Variants in LRRC37A3 observed in about 807,000 individuals in gnomAD.
LRRC37A3 encodes the protein leucine-rich repeat-containing protein 37A3.
In LRRC37A3, 25 loss-of-function variants were observed where a neutral mutation model predicts 106.2. The observed-to-expected ratio is 0.24, with a 90% CI of 0.17 to 0.33. The LOEUF is 0.33. Among genes scored for constraint, LRRC37A3 ranks in the 10% least tolerant of loss-of-function variants. The probability of loss-of-function intolerance (pLI) is 1.00; values close to 1 mark genes in which losing one functional copy is unlikely to be tolerated. For synonymous variants in LRRC37A3, 305 were observed against 635.8 expected, an observed-to-expected ratio of 0.48 and a Z score of 7.83; for missense variants, 712 against 1,644.9, an observed-to-expected ratio of 0.43 and a Z score of 9.81.
intron 2 of LRRC37A3, among the ~76,000 whole-genome samples, chr17:64,915,601 T>G (rs1164638674): frequency 6.6e-6 from 1 of 152,254 alleles, no homozygotes; most frequent in East Asian, 1.9e-4. Context: ...CTGGGTTAGG[T>G]AGAGCTGTTA....
Position 64,880,409 on chromosome 17 carries a change from A to G in LRRC37A3, c.2906+5677T>C, listed in dbSNP as rs563405241. On this transcript the variant is annotated intron_variant, in intron 8 of 14. Transcript: ENST00000584306. ...AGCGATTTGCCTGTCTTGGCCTCCT[A>G]AAGTGCTGGGATTAAAGGCATGAGC... Among the ~76,000 whole-genome samples the G allele has an allele frequency of 7.9e-5, 12 of 152,336 alleles. No homozygotes were observed. In the East Asian group the frequency reaches 2.1e-3, roughly 27 times the overall value.
At position 64,897,369 on chromosome 17, in the gene LRRC37A3, T is replaced by G; in HGVS notation, c.-112A>C. ...TCCATGTCACCAGGGCACTCTTATG[T>G]CACAATCCCGCCCAAGCACGCCTTC... On this transcript the variant is annotated 5_prime_UTR_variant, in exon 4 of 15. An upstream open reading frame in the 5' UTR loses its in-frame stop. Transcript: ENST00000584306. 1.9e-6 allele frequency: 3 copies of G among 1,579,706 alleles called. No individual in the cohort carries two copies. Among genetic ancestry groups the G allele is most frequent in the East Asian group, 2.3e-5 (1 of 42,600 alleles).
intron 8 of LRRC37A3, among the ~76,000 whole-genome samples, chr17:64,872,152 A>G (rs1464711593): frequency 9.4e-5 from 14 of 148,320 alleles, no homozygotes; most frequent in African/African-American, 2.2e-4. Flanking sequence ...AAAAAAAAAA[A>G]AGAGAGACAT....
intron 8 of LRRC37A3, among the ~76,000 whole-genome samples, chr17:64,870,723 G>A (rs1260934684): frequency 2.0e-5 from 3 of 152,088 alleles, no homozygotes; most frequent in African/African-American, 7.2e-5. Flanking sequence ...TGAAGAAAAA[G>A]GGTTTATTTT....
intron 8 of LRRC37A3, among the ~76,000 whole-genome samples, chr17:64,872,025 G>A (rs183605837): frequency 1.2e-3 from 176 of 150,556 alleles, no homozygotes; most frequent in African/African-American, 4.0e-3. Context: ...CCAGCTACTC[G>A]GGAGGCTGAG....
At chr17:64,867,473 C>A (rs1407261698) in intron 10 of LRRC37A3, among the ~76,000 whole-genome samples, 9 of 152,200 alleles carry the variant, frequency 5.9e-5, no homozygotes, top group South Asian at 2.1e-4. Context: ...GCTCCAGGAC[C>A]CCCTGCAGAT....
intron 8 of LRRC37A3, among the ~76,000 whole-genome samples, chr17:64,870,353 A>G (rs983664424): frequency 6.6e-6 from 1 of 152,162 alleles, no homozygotes; most frequent in Admixed American, 6.5e-5. Context: ...AATAAAATGA[A>G]TAAATTGATT....
Position 64,897,240 on chromosome 17 carries a change from G to A in LRRC37A3, c.18C>T (p.Cys6=), listed in dbSNP as rs139416659. ...GGGACATGACACACGCTAGTGCCGG[G>A]CACTGAGCGGAAGTCATTCTGGCAG... is the stretch of plus-strand genomic sequence containing the variant. MTSAQ[C]PALACVMSPL... The change falls in exon 4 of 15, where the codon TGC becomes TGT. Residue 6 remains cysteine (C), a synonymous_variant. Transcript: ENST00000584306. 6.8e-6 allele frequency: 11 copies of A among 1,609,492 alleles called. No homozygotes were observed. Among genetic ancestry groups the A allele is most frequent in the African/African-American group, 2.8e-5 (2 of 72,258 alleles).
intron 2 of LRRC37A3, among the ~76,000 whole-genome samples, chr17:64,911,360 TG>T (rs1974586090): frequency 7.1e-6 from 1 of 140,874 alleles, no homozygotes; most frequent in Admixed American, 7.3e-5. Context: ...TTTTTCTTTT[TG>T]CCTTAATTGT....
At chr17:64,866,227 G>A (rs1033612841) in intron 10 of LRRC37A3, among the ~76,000 whole-genome samples, 3 of 151,790 alleles carry the variant, frequency 2.0e-5, no homozygotes, top group Non-Finnish European at 4.4e-5. Flanking sequence ...AAAGCTGGTC[G>A]ATGAAGGGGA....
chr17:64,856,126 A>G (rs1035663330), intron 13 of LRRC37A3, among the ~76,000 whole-genome samples: 1 of 152,082 alleles, frequency 6.6e-6, no homozygotes, highest in African/African-American at 2.4e-5. Flanking sequence ...GAATCTGTGG[A>G]TGCTCAATCC....
chr17:64,862,292 C>T (rs1283702126), intron 11 of LRRC37A3, among the ~76,000 whole-genome samples: 1 of 151,998 alleles, frequency 6.6e-6, no homozygotes, highest in Non-Finnish European at 1.5e-5. Context: ...CTCTTGAAAG[C>T]CCTTGAGCAT....
At chr17:64,859,396 C>T in intron 12 of LRRC37A3, 46 bp downstream of exon 12, 6 of 1,244,856 alleles carry the variant, frequency 4.8e-6, no homozygotes, top group Non-Finnish European at 6.9e-6. Context: ...CTGGGATATG[C>T]TAAATGATGG....
At chr17:64,893,489 T>C (rs1349502670) in intron 4 of LRRC37A3, among the ~76,000 whole-genome samples, 1 of 140,980 alleles carries the variant, frequency 7.1e-6, no homozygotes, top group Non-Finnish European at 1.5e-5. Context: ...TGGCTACTCT[T>C]TAAGACCCAA....
In LRRC37A3 at chr17:64,897,248, CG is replaced by C; in HGVS notation, c.9del (p.Ala4LeufsTer6). The C allele has an allele frequency of 6.2e-7, 1 of 1,609,714 alleles. No individual in the cohort carries two copies. The highest frequency in any genetic ancestry group is 1.1e-5 in the South Asian group (1 of 91,010). On this transcript the variant is annotated frameshift_variant, in exon 4 of 15. Coordinates refer to ENST00000584306, the MANE Select transcript of LRRC37A3 (RefSeq NM_199340.5). LOFTEE classifies it high-confidence loss of function. ...ACACACGCTAGTGCCGGGCACTGAG[CG>C]GAAGTCATTCTGGCAGCTCCGAGAC... Reference protein sequence around the residue: MTSAQCPALACVM... With the variant: MTXAQCPALACVM...
chr17:64,858,594 A>T (rs1972759937), intron 13 of LRRC37A3, among the ~76,000 whole-genome samples, 185 bp downstream of exon 13: 2 of 152,216 alleles, frequency 1.3e-5, no homozygotes, highest in Admixed American at 6.5e-5. Flanking sequence ...GGAAGCGAGG[A>T]TCCTTTAAAA....
chr17:64,879,639 A>C (rs1261648731), intron 8 of LRRC37A3, among the ~76,000 whole-genome samples: 1 of 152,182 alleles, frequency 6.6e-6, no homozygotes, highest in Admixed American at 6.5e-5. Flanking sequence ...ATGGATTCTC[A>C]AACTAGGGCT....
intron 2 of LRRC37A3, among the ~76,000 whole-genome samples, chr17:64,916,940 G>A (rs1359514463): frequency 1.1e-4 from 16 of 145,114 alleles, no homozygotes; most frequent in Admixed American, 6.9e-5. Flanking sequence ...TATTAAGGTG[G>A]CCAAAAAAAA....
At chr17:64,855,718 C>T in intron 14 of LRRC37A3, 122 bp downstream of exon 14, 4 of 1,517,108 alleles carry the variant, frequency 2.6e-6, no homozygotes, top group Non-Finnish European at 3.6e-6. Context: ...AGGAGAATCG[C>T]TTGAACCTGG....
Sources: allele counts gnomAD v4.1 joint callset (sites outside exome capture counted in the v4.1 genomes callset), GRCh38; gene constraint gnomAD v4.1.1; transcripts MANE v1.5; gene names NCBI Gene and HGNC (gene_info 2026-07-23, HGNC 2026-07-21).